The following ADAD1 variants were observed in gnomAD, a reference collection of about 807,000 sequenced individuals.
ADAD1 encodes adenosine deaminase domain containing 1.
In ADAD1, 46 loss-of-function variants were observed where a neutral mutation model predicts 66.8. The observed-to-expected ratio is 0.69, with a 90% CI of 0.54 to 0.88. The LOEUF (loss-of-function observed/expected upper bound fraction) is 0.88, where lower values mean the gene tolerates loss of function less well. Among genes scored for constraint, ADAD1 ranks in the 40% least tolerant of loss-of-function variants. The pLI is 0.00. For synonymous variants in ADAD1, 248 were observed against 229.4 expected (o/e 1.08, Z -0.73); for missense variants, 617 against 681.8 (o/e 0.91, Z 1.06).
intron 6 of ADAD1, among the ~76,000 whole-genome samples, chr4:122,394,569 A>C (rs986128100): frequency 1.3e-5 from 2 of 152,214 alleles, no homozygotes; most frequent in East Asian, 3.8e-4. Context: ...CAGACCAGGG[A>C]AAATAGGCCC....
At chr4:122,386,295 G>C (rs573780989) in intron 5 of ADAD1, among the ~76,000 whole-genome samples, 2 of 152,322 alleles carry the variant, frequency 1.3e-5, no homozygotes, top group Non-Finnish European at 2.9e-5. Flanking sequence ...GATGATCAGT[G>C]ATATTGAGCT....
At chr4:122,383,570 T>C (rs530758586) in intron 4 of ADAD1, among the ~76,000 whole-genome samples, 20 of 152,308 alleles carry the variant, frequency 1.3e-4, no homozygotes, top group African/African-American at 4.3e-4. Context: ...GCCCTATTGC[T>C]CACACTGAAT....
chr4:122,420,902 A>G (rs1451490120), intron 11 of ADAD1, among the ~76,000 whole-genome samples: 1 of 152,228 alleles, frequency 6.6e-6, no homozygotes, highest in African/African-American at 2.4e-5. Flanking sequence ...TACCTATGTA[A>G]CCATCATTCT....
intron 11 of ADAD1, among the ~76,000 whole-genome samples, chr4:122,416,585 TA>T (rs1440407553): frequency 6.6e-6 from 1 of 151,992 alleles, no homozygotes; most frequent in Non-Finnish European, 1.5e-5. Flanking sequence ...TAAAAAGTAT[TA>T]ACCAGGAGTG....
At chr4:122,406,380 C>T (rs937052807) in intron 7 of ADAD1, among the ~76,000 whole-genome samples, 1 of 152,090 alleles carries the variant, frequency 6.6e-6, no homozygotes, top group African/African-American at 2.4e-5. Context: ...AATGTCTGTT[C>T]AGGTTCTGTT....
intron 12 of ADAD1, among the ~76,000 whole-genome samples, chr4:122,424,737 A>G (rs1212001285): frequency 6.6e-6 from 1 of 152,158 alleles, no homozygotes; most frequent in Non-Finnish European, 1.5e-5. Context: ...CCATATCAAT[A>G]ATTACAATAA....
At chr4:122,399,539 A>T (rs779876311) in intron 7 of ADAD1, among the ~76,000 whole-genome samples, 3 of 152,044 alleles carry the variant, frequency 2.0e-5, no homozygotes, top group South Asian at 2.1e-4. Flanking sequence ...TGGTATTTCT[A>T]TGGGAATTGC....
rs1553925583 is a variant in ADAD1, at chr4:122,422,977, A to AAAG, written c.1617+1606_1617+1608dup. Reference sequence around the variant, plus strand: ...TCTTTAAAAAAAAAAAAAAAAAAAAAAAGAAGAAGAAGAAGAAGAAGGAAA... The same window carrying AAAG: ...TCTTTAAAAAAAAAAAAAAAAAAAAAAAGAAGAAGAAGAAGAAGAAGAAGGAAA... On this transcript the variant is annotated intron_variant, in intron 12 of 12. Transcript: ENST00000296513. Among the ~76,000 whole-genome samples the AAAG allele has an allele frequency of 1.3e-3, 200 of 149,160 alleles. 2 individuals carry two copies. The highest frequency in any genetic ancestry group is 3.4e-3 in the Middle Eastern group (1 of 292).
At chr4:122,400,147 A>G (rs1322068004) in intron 7 of ADAD1, among the ~76,000 whole-genome samples, 1 of 152,164 alleles carries the variant, frequency 6.6e-6, no homozygotes, top group Admixed American at 6.5e-5. Flanking sequence ...TGTGTTAGTC[A>G]TAGATGGCTT....
chr4:122,404,466 C>G lies in ADAD1; in HGVS notation c.725-3442C>G, dbSNP rs377335802. Among the ~76,000 whole-genome samples the G allele has an allele frequency of 2.0e-5, 3 of 152,098 alleles. No individual in the cohort carries two copies. In the East Asian group the frequency reaches 5.8e-4, roughly 29 times the overall value. ...TCCTGTGATCTGGATTTTTAGGTTC[C>G]CCAGTAGGGATGTGTGTTCAGAGGT... On this transcript the variant is annotated intron_variant, in intron 7 of 12. Coordinates refer to ENST00000296513, the MANE Select transcript of ADAD1 (RefSeq NM_139243.4).
chr4:122,393,675 G>T lies in ADAD1; in HGVS notation c.598+18G>T. ...ACATTATGGTAGGAAAGTTTTTTGT[G>T]ACGTTCTTCTTTAGAAGAGTAGCCC... On this transcript the variant is annotated intron_variant, in intron 6 of 12. Transcript: ENST00000296513. The T allele has an allele frequency of 6.4e-7, 1 of 1,561,074 alleles. No homozygotes were observed. Among genetic ancestry groups the T allele is most frequent in the Non-Finnish European group, 8.7e-7 (1 of 1,151,230 alleles).
At chr4:122,424,000 A>G (rs1214698609) in intron 12 of ADAD1, among the ~76,000 whole-genome samples, 1 of 152,198 alleles carries the variant, frequency 6.6e-6, no homozygotes, top group Non-Finnish European at 1.5e-5. Context: ...GTGACTCGTG[A>G]ATTATATCTT....
intron 7 of ADAD1, among the ~76,000 whole-genome samples, chr4:122,396,845 AAAC>A (rs1795742753): frequency 6.6e-6 from 1 of 152,188 alleles, no homozygotes; most frequent in African/African-American, 2.4e-5. Context: ...AATTATATAG[AAAC>A]AATTTGAGAT....
At chr4:122,382,396 G>A (rs879537048) in intron 4 of ADAD1, among the ~76,000 whole-genome samples, 5 of 152,170 alleles carry the variant, frequency 3.3e-5, no homozygotes, top group Admixed American at 3.3e-4. Flanking sequence ...TTATAAACAG[G>A]CTGAAGCTTA....
At chr4:122,398,163 G>GC (rs1795802586) in intron 7 of ADAD1, among the ~76,000 whole-genome samples, 1 of 151,418 alleles carries the variant, frequency 6.6e-6, no homozygotes, top group African/African-American at 2.4e-5. Flanking sequence ...TTCCCCCGGT[G>GC]CCCCAGAGTC....
intron 11 of ADAD1, among the ~76,000 whole-genome samples, chr4:122,417,420 CA>C (rs78766740): frequency 1.4e-5 from 2 of 142,600 alleles, no homozygotes; most frequent in Non-Finnish European, 3.1e-5. Flanking sequence ...TACAATAAGA[CA>C]AAAAAAACCT....
intron 4 of ADAD1, among the ~76,000 whole-genome samples, chr4:122,381,775 A>C (rs1481186641): frequency 2.6e-5 from 4 of 152,214 alleles, no homozygotes; most frequent in Admixed American, 2.6e-4. Context: ...AGATTTTAGG[A>C]AAGTGGAAGG....
At position 122,380,080 on chromosome 4, in the gene ADAD1, A is replaced by G; in HGVS notation, c.11A>G (p.Asn4Ser). 3 of 1,612,254 alleles carry G rather than the reference A, an allele frequency of 1.9e-6. No individual in the cohort carries two copies. The highest frequency in any genetic ancestry group is 2.5e-6 in the Non-Finnish European group (3 of 1,179,464). Residue 4 changes from asparagine (N) to serine (S), a missense_variant, in exon 3 of 13, where the codon AAC (asparagine) becomes AGC (serine). Physicochemically the swap from Asn to Ser is conservative, Grantham distance 46. Coordinates refer to ENST00000296513, the MANE Select transcript of ADAD1 (RefSeq NM_139243.4). MAS[N>S]NHWFQSSQVP... ...CCTCTAGGTGAGAAAATGGCTAGCA[A>G]CAATCATTGGTTTCAGAGTTCGCAG...
chr4:122,420,324 A>G (rs1249856670), intron 11 of ADAD1, among the ~76,000 whole-genome samples: 1 of 152,152 alleles, frequency 6.6e-6, no homozygotes, highest in African/African-American at 2.4e-5. Context: ...GGGCTTTCCC[A>G]CACATCTGGG....
Sources: allele counts gnomAD v4.1 joint callset (sites outside exome capture counted in the v4.1 genomes callset), GRCh38; gene constraint gnomAD v4.1.1; transcripts MANE v1.5; gene names NCBI Gene and HGNC (gene_info 2026-07-23, HGNC 2026-07-21).